Variants in GRIA4 observed in about 807,000 individuals in gnomAD.
GRIA4 encodes glutamate ionotropic receptor AMPA type subunit 4, also known as glutamate receptor 4.
Under a neutral mutation model 104.0 loss-of-function variants are expected in GRIA4, and 34 were observed. The observed-to-expected ratio is 0.33, with a 90% CI of 0.25 to 0.44. GRIA4 has a LOEUF of 0.44. Ranked by LOEUF, GRIA4 falls within the 20% of genes least tolerant of loss-of-function variation. The pLI is 1.00. For synonymous variants in GRIA4, 386 were observed against 381.9 expected (o/e 1.01, Z -0.13); for missense variants, 750 against 1,096.5 (o/e 0.68, Z 4.46).
chr11:105,943,138 G>T (rs1285532622), intron 14 of GRIA4, among the ~76,000 whole-genome samples: 1 of 152,102 alleles, frequency 6.6e-6, no homozygotes, highest in Non-Finnish European at 1.5e-5. Context: ...AGCTCAGCTG[G>T]TTTTGGAATT....
At chr11:105,677,242 C>T (rs183864895) in intron 3 of GRIA4, among the ~76,000 whole-genome samples, 1 of 151,848 alleles carries the variant, frequency 6.6e-6, no homozygotes, top group Non-Finnish European at 1.5e-5. Flanking sequence ...TTTGCACAAT[C>T]TCTCTGACTC....
intron 4 of GRIA4, among the ~76,000 whole-genome samples, chr11:105,789,592 C>T (rs1942127437): frequency 6.6e-6 from 1 of 152,028 alleles, no homozygotes; most frequent in African/African-American, 2.4e-5. Flanking sequence ...AATTAAAGTG[C>T]CCTGTGACCA....
At chr11:105,620,657 T>C (rs1950719501) in intron 3 of GRIA4, among the ~76,000 whole-genome samples, 1 of 151,786 alleles carries the variant, frequency 6.6e-6, no homozygotes, top group South Asian at 2.1e-4. Context: ...AATTTCAGAA[T>C]CCAAAACTGT....
intron 4 of GRIA4, among the ~76,000 whole-genome samples, chr11:105,784,732 C>T (rs901055928): frequency 1.3e-5 from 2 of 152,108 alleles, no homozygotes; most frequent in Admixed American, 1.3e-4. Flanking sequence ...AAGTTCTAAA[C>T]CTACTATCCT....
intron 12 of GRIA4, among the ~76,000 whole-genome samples, chr11:105,926,511 A>G (rs1368822402): frequency 6.6e-6 from 1 of 152,120 alleles, no homozygotes; most frequent in African/African-American, 2.4e-5. Context: ...TCTTTAAACA[A>G]TAAAAAGGAA....
intron 4 of GRIA4, among the ~76,000 whole-genome samples, chr11:105,775,325 G>T (rs780629906): frequency 2.6e-5 from 4 of 152,018 alleles, no homozygotes; most frequent in Non-Finnish European, 4.4e-5. Flanking sequence ...ATTAGGATCT[G>T]GATATTTTCA....
At chr11:105,848,719 T>C (rs946422066) in intron 4 of GRIA4, among the ~76,000 whole-genome samples, 2 of 152,164 alleles carry the variant, frequency 1.3e-5, no homozygotes, top group African/African-American at 4.8e-5. Context: ...GGGCAAGCTT[T>C]AGGGACACCA....
intron 9 of GRIA4, 88 bp from the exon 10 acceptor site, chr11:105,910,345 TGC>T: frequency 1.5e-6 from 1 of 669,970 alleles, no homozygotes; most frequent in Non-Finnish European, 2.7e-6. Context: ...TTGTTTTGTT[TGC>T]TTACCTATTC....
chr11:105,851,206 G>A (rs1389673728), intron 4 of GRIA4, among the ~76,000 whole-genome samples: 2 of 151,962 alleles, frequency 1.3e-5, no homozygotes, highest in Non-Finnish European at 2.9e-5. Context: ...ATAGAAAAAG[G>A]GCAGAATTTT....
chr11:105,626,086 G>A (rs1022194945), intron 3 of GRIA4, among the ~76,000 whole-genome samples: 2 of 152,008 alleles, frequency 1.3e-5, no homozygotes, highest in African/African-American at 2.4e-5. Context: ...AGGTCCGTGT[G>A]GGCAGTTACA....
intron 3 of GRIA4, among the ~76,000 whole-genome samples, chr11:105,738,764 A>T (rs1193351523): frequency 1.3e-5 from 2 of 152,140 alleles, no homozygotes; most frequent in African/African-American, 4.8e-5. Flanking sequence ...TATGTGACTC[A>T]GTTATATAGT....
intron 4 of GRIA4, among the ~76,000 whole-genome samples, chr11:105,810,371 T>C (rs777293660): frequency 6.6e-6 from 1 of 152,192 alleles, no homozygotes; most frequent in Non-Finnish European, 1.5e-5. Flanking sequence ...GGAGAAGTAG[T>C]TCTTGACCCA....
At chr11:105,797,801 T>C (rs531155337) in intron 4 of GRIA4, 23 of 455,768 alleles carry the variant, frequency 5.0e-5, no homozygotes, top group African/African-American at 4.0e-4. Context: ...CTTTATGTGC[T>C]CTACAACAAG....
At chr11:105,951,029 G>A (rs1168399262) in intron 14 of GRIA4, among the ~76,000 whole-genome samples, 1 of 152,102 alleles carries the variant, frequency 6.6e-6, no homozygotes, top group Non-Finnish European at 1.5e-5. Context: ...TGCATCCTAG[G>A]GCCTAATAAG....
rs1310075001 is a variant in GRIA4 at position 105,813,112 on chromosome 11, A to AC, written c.488-48912_488-48911insC. Among the ~76,000 whole-genome samples the AC allele has an allele frequency of 1.5e-3, 221 of 145,318 alleles. 6 individuals are homozygous for AC. Among genetic ancestry groups the AC allele is most frequent in the Middle Eastern group, 3.5e-3 (1 of 288 alleles). ...CCATCTCAAAAAAAAAAAAAAAAAA[A>AC]AAAGAAGAAAGAAAAAATTTAGGAA... On this transcript the variant is annotated intron_variant, in intron 4 of 16. Coordinates refer to ENST00000282499, the MANE Select transcript of GRIA4 (RefSeq NM_000829.4).
At chr11:105,741,672 G>T (rs1465639186) in intron 3 of GRIA4, among the ~76,000 whole-genome samples, 1 of 152,116 alleles carries the variant, frequency 6.6e-6, no homozygotes, top group Non-Finnish European at 1.5e-5. Context: ...ATCTGTGCCT[G>T]AAGAGTCATA....
intron 4 of GRIA4, among the ~76,000 whole-genome samples, chr11:105,837,643 G>A (rs1259631972): frequency 1.3e-5 from 2 of 151,966 alleles, no homozygotes; most frequent in Non-Finnish European, 2.9e-5. Flanking sequence ...AACACCGTGT[G>A]GAACTCAATG....
chr11:105,885,556 T>A (rs189390280), intron 5 of GRIA4, among the ~76,000 whole-genome samples: 2 of 152,312 alleles, frequency 1.3e-5, no homozygotes, highest in South Asian at 2.1e-4. Flanking sequence ...GGCTGATTGG[T>A]CATTTAATGC....
chr11:105,957,428 C>T (rs529073182), intron 14 of GRIA4, among the ~76,000 whole-genome samples: 2 of 151,622 alleles, frequency 1.3e-5, no homozygotes, highest in African/African-American at 2.4e-5. Flanking sequence ...TGTAGATATG[C>T]GGCATTATTT....
Sources: gnomAD v4.1 joint callset for allele counts (sites outside exome capture counted in the v4.1 genomes callset) on GRCh38, gnomAD v4.1.1 for gene constraint, MANE v1.5 for transcripts, NCBI Gene and HGNC (gene_info 2026-07-23, HGNC 2026-07-21) for gene names.